Variants in SPON1 observed in about 807,000 individuals in gnomAD.
The protein encoded by SPON1 is spondin 1.
Under a neutral mutation model 111.7 loss-of-function variants are expected in SPON1, and 52 were observed. The observed-to-expected ratio is 0.47, with a 90% confidence interval of 0.37 to 0.59. The LOEUF is 0.59. SPON1 is among the 20% of genes least tolerant of loss of function. SPON1 has a pLI of 0.00. For synonymous variants in SPON1, 410 were observed against 395.8 expected (o/e 1.04, Z -0.43); for missense variants, 957 against 1,068.5 (o/e 0.90, Z 1.46).
intron 6 of SPON1, among the ~76,000 whole-genome samples, chr11:14,177,079 C>T (rs1219868054): frequency 6.6e-6 from 1 of 152,124 alleles, no homozygotes; most frequent in African/African-American, 2.4e-5. Flanking sequence ...CTCGCTCTGT[C>T]ACCCAGGCTG....
At chr11:14,045,937 A>G (rs538084582) in intron 3 of SPON1, among the ~76,000 whole-genome samples, 119 of 152,294 alleles carry the variant, frequency 7.8e-4, no homozygotes, top group African/African-American at 2.6e-3. Flanking sequence ...TCCTATGCCT[A>G]AGGCTATAAA....
intron 6 of SPON1, among the ~76,000 whole-genome samples, chr11:14,230,663 C>T (rs992991667): frequency 1.3e-5 from 2 of 152,218 alleles, no homozygotes; most frequent in Admixed American, 6.5e-5. Context: ...CACACAGTGC[C>T]CACCTCAAAA....
chr11:14,099,474 G>A (rs1849127361), intron 5 of SPON1, among the ~76,000 whole-genome samples: 1 of 152,030 alleles, frequency 6.6e-6, no homozygotes, highest in Admixed American at 6.5e-5. Flanking sequence ...ATGCACTTAA[G>A]GCTGTGAATT....
chr11:14,219,108 G>T (rs2133905715), intron 6 of SPON1, among the ~76,000 whole-genome samples: 1 of 152,192 alleles, frequency 6.6e-6, no homozygotes, highest in East Asian at 1.9e-4. Context: ...TCACCACTTT[G>T]TCCCCCACCC....
chr11:14,104,277 C>T (rs560621540), intron 5 of SPON1, among the ~76,000 whole-genome samples: 136 of 151,516 alleles, frequency 9.0e-4, no homozygotes, highest in Non-Finnish European at 1.5e-3. Context: ...AACCCTAGTC[C>T]GCTTAGGTTT....
intron 6 of SPON1, among the ~76,000 whole-genome samples, chr11:14,161,710 A>G (rs782663452): frequency 5.9e-5 from 9 of 152,160 alleles, no homozygotes; most frequent in Non-Finnish European, 1.0e-4. Flanking sequence ...AGTTTATTGA[A>G]TACTATATTG....
intron 5 of SPON1, among the ~76,000 whole-genome samples, chr11:14,080,271 G>A (rs940533248): frequency 1.3e-4 from 20 of 150,218 alleles, no homozygotes; most frequent in Admixed American, 4.0e-4. Context: ...CTCTGTTGCC[G>A]AGGCTGGAGT....
intron 5 of SPON1, among the ~76,000 whole-genome samples, chr11:14,081,985 G>C (rs540028291): frequency 3.5e-4 from 53 of 152,202 alleles, no homozygotes; most frequent in African/African-American, 1.2e-3. Flanking sequence ...GGAGACCTGT[G>C]CGAAGAAACT....
In SPON1 at chr11:14,255,769, C is replaced by T. The variant is rs558066427; in HGVS notation, c.1215C>T (p.Ile405=). 4 of 1,613,830 alleles carry T rather than the reference C, an allele frequency of 2.5e-6. No individual in the cohort carries two copies. Among genetic ancestry groups the T allele is most frequent in the South Asian group, 2.2e-5 (2 of 91,062 alleles). The change falls in exon 9 of 16, where the codon ATC becomes ATT. Residue 405 remains isoleucine, a synonymous_variant. Coordinates refer to ENST00000576479, the MANE Select transcript of SPON1 (RefSeq NM_006108.4). The stretch of plus-strand genomic sequence containing the variant: ...TCACTCAAGTAGCCAGAGTTGTCAT[C>T]GAGAGAATCGCACGGAAGGTACTGG... ...GSITQVARVV[I]ERIARKGEQC...
intron 5 of SPON1, among the ~76,000 whole-genome samples, chr11:14,103,202 G>A (rs1374663027): frequency 1.3e-5 from 2 of 152,086 alleles, no homozygotes; most frequent in Non-Finnish European, 2.9e-5. Context: ...TTCAGTTAAG[G>A]ATTCATCCTG....
chr11:13,969,339 T>C (rs936447523), intron 1 of SPON1, among the ~76,000 whole-genome samples: 1 of 151,976 alleles, frequency 6.6e-6, no homozygotes, highest in South Asian at 2.1e-4. Flanking sequence ...TGAGTGAAGA[T>C]TGTGCCAGTG....
chr11:14,194,528 TCACACACACACACA>T (rs372569370), intron 6 of SPON1, among the ~76,000 whole-genome samples: 96 of 106,890 alleles, frequency 9.0e-4, no homozygotes, highest in Non-Finnish European at 1.5e-3. Flanking sequence ...TAGGCCTACT[TCACACACACACACA>T]CACACACACA....
At chr11:14,254,994 G>A (rs1849090510) in intron 8 of SPON1, among the ~76,000 whole-genome samples, 1 of 152,218 alleles carries the variant, frequency 6.6e-6, no homozygotes, top group South Asian at 2.1e-4. Flanking sequence ...ATGACTGCAA[G>A]AGCGAAGGTT....
At chr11:14,264,164 G>C (rs1194335859) in intron 15 of SPON1, among the ~76,000 whole-genome samples, 3 of 152,174 alleles carry the variant, frequency 2.0e-5, no homozygotes, top group Non-Finnish European at 4.4e-5. Context: ...ATGAAGCACA[G>C]AGGACAAGGC....
intron 6 of SPON1, among the ~76,000 whole-genome samples, chr11:14,202,245 G>C (rs1325231526): frequency 6.6e-6 from 1 of 152,198 alleles, no homozygotes; most frequent in African/African-American, 2.4e-5. Flanking sequence ...CAGTAGCTGA[G>C]GCTGAATGAA....
At position 14,223,270 on chromosome 11, in the gene SPON1, A is replaced by G. The variant is rs12275689; in HGVS notation, c.826-20062A>G. On this transcript the variant is annotated intron_variant, in intron 6 of 15. Transcript: ENST00000576479. ...TCCCAGCTACTTAGGAGGCTGAAGTAGGAGAATTGCTTAAACCCAGAAGGC... is the reference window on the plus strand; with the variant it reads ...TCCCAGCTACTTAGGAGGCTGAAGTGGGAGAATTGCTTAAACCCAGAAGGC... 8.9e-3 allele frequency among the ~76,000 whole-genome samples: 1,361 copies of G among 152,260 alleles called. 21 individuals are homozygous for G. The highest frequency in any genetic ancestry group is 0.031 in the African/African-American group (1,290 of 41,552).
chr11:13,976,438 A>G (rs1357297099), intron 1 of SPON1, among the ~76,000 whole-genome samples: 6 of 152,196 alleles, frequency 3.9e-5, no homozygotes, highest in East Asian at 1.9e-4. Context: ...AGTCTCCTCT[A>G]TTCCTTCAAA....
intron 3 of SPON1, among the ~76,000 whole-genome samples, chr11:14,061,385 C>T (rs1390305996): frequency 6.6e-6 from 1 of 152,158 alleles, no homozygotes; most frequent in African/African-American, 2.4e-5. Context: ...TCCAATTATC[C>T]ATCCATCCAC....
intron 6 of SPON1, among the ~76,000 whole-genome samples, chr11:14,237,707 T>G (rs1408130475): frequency 6.6e-6 from 1 of 152,208 alleles, no homozygotes; most frequent in Non-Finnish European, 1.5e-5. Flanking sequence ...TAGCAGACAG[T>G]TTTTCTTCAG....
Sources: allele counts gnomAD v4.1 joint callset (sites outside exome capture counted in the v4.1 genomes callset), GRCh38; gene constraint gnomAD v4.1.1; transcripts MANE v1.5; gene names NCBI Gene and HGNC (gene_info 2026-07-23, HGNC 2026-07-21).